Variants in TNNI3K observed in about 807,000 individuals in gnomAD.
TNNI3K encodes serine/threonine-protein kinase TNNI3K.
A neutral mutation model predicts 114.5 loss-of-function variants in TNNI3K; 140 were observed. The ratio of observed to expected loss-of-function variants is 1.22; its 90% confidence interval spans 1.07 to 1.41. The LOEUF is 1.41. TNNI3K is among the 40% of genes most tolerant of loss of function. The pLI is 0.00. For synonymous variants in TNNI3K, 347 were observed against 347.5 expected (o/e 1.00, Z 0.02); for missense variants, 1,125 against 1,007.6 (o/e 1.12, Z -1.58).
intron 20 of TNNI3K, among the ~76,000 whole-genome samples, chr1:74,440,410 C>T (rs934145196): frequency 3.3e-4 from 50 of 152,068 alleles, no homozygotes; most frequent in African/African-American, 1.2e-3. Context: ...ATTGTAATCT[C>T]CTAATGGCCA....
chr1:74,390,542 T>C (rs1663710327), intron 17 of TNNI3K, among the ~76,000 whole-genome samples: 1 of 152,144 alleles, frequency 6.6e-6, no homozygotes, highest in African/African-American at 2.4e-5. Context: ...TTAACGTTTC[T>C]TTTTTATTTT....
At chr1:74,512,290 G>A (rs58737338) in intron 23 of TNNI3K, among the ~76,000 whole-genome samples, 1,879 of 152,292 alleles carry the variant, frequency 0.012, 35 homozygotes, top group African/African-American at 0.042. Flanking sequence ...CATAGACACA[G>A]TAGAGCTCCA....
chr1:74,383,690 ATGAC>A (rs1413899985), intron 17 of TNNI3K, among the ~76,000 whole-genome samples: 1 of 152,162 alleles, frequency 6.6e-6, no homozygotes, highest in Non-Finnish European at 1.5e-5. Context: ...GCTTTGTACA[ATGAC>A]TGGGGCCTAA....
rs34494942 is a variant in TNNI3K at position 74,530,723 on chromosome 1, G to GT, written c.2352-9495dup. 7.1e-3 allele frequency among the ~76,000 whole-genome samples: 1,015 copies of GT among 142,120 alleles called. 5 individuals carry two copies. The highest frequency in any genetic ancestry group is 0.018 in the African/African-American group (693 of 38,562). 93.2% of individuals were successfully genotyped at this position (142,120 alleles called of 152,430 possible). On this transcript the variant is annotated intron_variant, in intron 23 of 24. Transcript: ENST00000326637. The stretch of plus-strand genomic sequence containing the variant: ...TGTCATGCTACCAAGAACTCAAAAA[G>GT]TTTTTTTTTTTTTTTTCCTGGATGA...
rs564710860 is a variant in TNNI3K at position 74,330,542 on chromosome 1, A to G, written c.445-908A>G. ...TATTGTAAATTTTTGTTAAGATTAT[A>G]GATGAGACCAAGTTCTAACTACTAC... is the stretch of plus-strand genomic sequence containing the variant. On this transcript the variant is annotated intron_variant, in intron 5 of 24. Coordinates refer to ENST00000326637, the MANE Select transcript of TNNI3K (RefSeq NM_015978.3). 3.9e-5 allele frequency among the ~76,000 whole-genome samples: 6 copies of G among 152,286 alleles called. No homozygotes were observed. The South Asian group carries it at 6.2e-4, about 16-fold the overall frequency.
At chr1:74,325,228 A>G (rs775686082) in intron 5 of TNNI3K, among the ~76,000 whole-genome samples, 4 of 152,150 alleles carry the variant, frequency 2.6e-5, no homozygotes, top group Non-Finnish European at 5.9e-5. Flanking sequence ...AGTTATGTCT[A>G]CACTGAATAA....
intron 17 of TNNI3K, among the ~76,000 whole-genome samples, chr1:74,405,466 A>C (rs1473367709): frequency 6.6e-6 from 1 of 152,226 alleles, no homozygotes; most frequent in Non-Finnish European, 1.5e-5. Flanking sequence ...CTTAGGTGAT[A>C]AGCAATGATC....
At chr1:74,493,411 AG>A (rs1669173743) in intron 23 of TNNI3K, among the ~76,000 whole-genome samples, 1 of 152,222 alleles carries the variant, frequency 6.6e-6, no homozygotes, top group Non-Finnish European at 1.5e-5. Flanking sequence ...TTAAGCAAAA[AG>A]GTAAGTCAGA....
At chr1:74,416,152 T>C (rs1665105755) in intron 17 of TNNI3K, among the ~76,000 whole-genome samples, 1 of 152,144 alleles carries the variant, frequency 6.6e-6, no homozygotes, top group Admixed American at 6.6e-5. Context: ...CGTCCAAATA[T>C]AGCACATGAC....
chr1:74,455,091 C>T (rs932039102), intron 20 of TNNI3K, among the ~76,000 whole-genome samples: 6 of 152,192 alleles, frequency 3.9e-5, no homozygotes, highest in African/African-American at 7.2e-5. Context: ...TCAAACTACT[C>T]ATAGTATAGA....
Position 74,423,263 on chromosome 1 carries a change from AT to A in TNNI3K, c.1773-12810del, listed in dbSNP as rs36111558. Among the ~76,000 whole-genome samples, 491 of 151,058 alleles carry A rather than the reference AT, an allele frequency of 3.3e-3. 2 individuals carry two copies. Among genetic ancestry groups the A allele is most frequent in the African/African-American group, 0.011 (452 of 41,080 alleles). The stretch of plus-strand genomic sequence containing the variant: ...TGTTCCAGACTTTTCCTTAATCATC[AT>A]TTTTTTGTGCCCTTTGTTGCACATA... On this transcript the variant is annotated intron_variant, in intron 17 of 24. Coordinates refer to ENST00000326637, the MANE Select transcript of TNNI3K (RefSeq NM_015978.3).
Position 74,540,314 on chromosome 1 carries a change from G to GT in TNNI3K, c.2431+2dup. On this transcript the variant is annotated splice_donor_variant, in intron 24 of 24. Transcript: ENST00000326637. LOFTEE classifies it high-confidence loss of function. ...CAATACACACCCATTGACAAATATG[G>GT]TAAGTAGGCAGATTCTTTAGGTTTG... 6.2e-7 allele frequency: 1 copy of GT among 1,610,460 alleles called. No homozygotes were observed. Among genetic ancestry groups the GT allele is most frequent in the South Asian group, 1.1e-5 (1 of 90,546 alleles).
At chr1:74,439,432 C>T in intron 19 of TNNI3K, 58 bp from the exon 20 acceptor site, 1 of 1,588,168 alleles carries the variant, frequency 6.3e-7, no homozygotes, top group Non-Finnish European at 8.6e-7. Context: ...GAATGCTACT[C>T]TGCAGTGGAA....
chr1:74,449,707 A>C (rs573739245), intron 20 of TNNI3K, among the ~76,000 whole-genome samples: 3 of 151,550 alleles, frequency 2.0e-5, no homozygotes, highest in Admixed American at 6.6e-5. Flanking sequence ...AGAGCTAACT[A>C]TCCTAAATAT....
chr1:74,365,058 A>G (rs1224368547), intron 11 of TNNI3K, among the ~76,000 whole-genome samples: 1 of 152,086 alleles, frequency 6.6e-6, no homozygotes, highest in African/African-American at 2.4e-5. Context: ...GGAGTTTCCA[A>G]GTTCACCTAC....
intron 5 of TNNI3K, among the ~76,000 whole-genome samples, chr1:74,287,793 C>A (rs984011026): frequency 6.6e-6 from 1 of 151,964 alleles, no homozygotes; most frequent in Non-Finnish European, 1.5e-5. Flanking sequence ...AATAAAGAGA[C>A]AACTTATGAA....
At chr1:74,415,682 T>C (rs1340230571) in intron 17 of TNNI3K, among the ~76,000 whole-genome samples, 2 of 151,970 alleles carry the variant, frequency 1.3e-5, no homozygotes, top group East Asian at 1.9e-4. Flanking sequence ...TATATATTTA[T>C]ACTTTTTTGA....
At chr1:74,397,148 C>G (rs1027217132) in intron 17 of TNNI3K, among the ~76,000 whole-genome samples, 2 of 150,816 alleles carry the variant, frequency 1.3e-5, no homozygotes, top group Admixed American at 1.3e-4. Context: ...GGCTCAGGCA[C>G]AGAGAGAGAA....
chr1:74,373,593 A>G (rs1460895557), intron 17 of TNNI3K: 2 of 151,896 alleles, frequency 1.3e-5, no homozygotes, highest in Non-Finnish European at 2.9e-5. Context: ...ATGTCTAATT[A>G]ATATTTTTTA....
Sources: allele counts gnomAD v4.1 joint callset (sites outside exome capture counted in the v4.1 genomes callset), GRCh38; gene constraint gnomAD v4.1.1; transcripts MANE v1.5; gene names NCBI Gene and HGNC (gene_info 2026-07-23, HGNC 2026-07-21).